Variants in KIAA1217 observed in about 807,000 individuals in gnomAD.
KIAA1217 encodes KIAA1217, also known as sickle tail protein homolog.
Under a neutral mutation model 163.9 loss-of-function variants are expected in KIAA1217, and 88 were observed. That is an observed-to-expected ratio of 0.54 (90% CI 0.45 to 0.64). KIAA1217 has a LOEUF of 0.64. KIAA1217 is among the 30% of genes least tolerant of loss of function. KIAA1217 has a pLI of 0.00. For missense variants in KIAA1217, 2,372 were observed against 2,475.0 expected (o/e 0.96, Z 0.88); for synonymous variants, 903 against 923.1 (o/e 0.98, Z 0.39).
intron 2 of KIAA1217, among the ~76,000 whole-genome samples, chr10:24,200,127 ATCTC>A (rs1564819679): frequency 4.7e-5 from 7 of 149,444 alleles, no homozygotes; most frequent in Non-Finnish European, 1.5e-5. Flanking sequence ...TGCTCTGCTG[ATCTC>A]TCTCTTTCTC....
At chr10:24,126,391 T>C (rs2131794425) in intron 2 of KIAA1217, among the ~76,000 whole-genome samples, 1 of 152,302 alleles carries the variant, frequency 6.6e-6, no homozygotes, top group African/African-American at 2.4e-5. Flanking sequence ...ATATAGTATT[T>C]ATGCCCTTTA....
At chr10:24,058,515 A>C (rs1003329568) in intron 2 of KIAA1217, among the ~76,000 whole-genome samples, 4 of 152,128 alleles carry the variant, frequency 2.6e-5, no homozygotes, top group Non-Finnish European at 5.9e-5. Flanking sequence ...AAGTCTTCCT[A>C]TTTGTTAACA....
intron 1 of KIAA1217, among the ~76,000 whole-genome samples, chr10:23,921,923 A>T (rs1214704435): frequency 6.6e-6 from 1 of 152,094 alleles, no homozygotes; most frequent in African/African-American, 2.4e-5. Context: ...TAGTAGTGAT[A>T]AATGTGTCTT....
intron 2 of KIAA1217, among the ~76,000 whole-genome samples, chr10:24,169,367 C>T (rs2065508539): frequency 6.6e-6 from 1 of 152,072 alleles, no homozygotes; most frequent in African/African-American, 2.4e-5. Flanking sequence ...GGCTTTCTTA[C>T]CCACAATCAC....
chr10:24,366,723 T>G (rs1478673830), intron 2 of KIAA1217, among the ~76,000 whole-genome samples: 3 of 152,120 alleles, frequency 2.0e-5, no homozygotes, highest in Non-Finnish European at 4.4e-5. Flanking sequence ...CCGGGGCCAG[T>G]GACAATCAAG....
At chr10:23,848,796 C>T (rs1474386022) in intron 1 of KIAA1217, among the ~76,000 whole-genome samples, 3 of 152,072 alleles carry the variant, frequency 2.0e-5, no homozygotes, top group African/African-American at 7.2e-5. Context: ...CATGGCTCCA[C>T]AGTGGATTTT....
chr10:24,529,506 A>G (rs79240130), intron 14 of KIAA1217, among the ~76,000 whole-genome samples: 259 of 151,950 alleles, frequency 1.7e-3, no homozygotes, highest in Non-Finnish European at 3.3e-3. Context: ...ATATATATAT[A>G]TTTTTCCATC....
At chr10:24,380,401 G>T (rs908853058) in intron 2 of KIAA1217, among the ~76,000 whole-genome samples, 1 of 152,020 alleles carries the variant, frequency 6.6e-6, no homozygotes, top group Non-Finnish European at 1.5e-5. Flanking sequence ...CGAGGCAGGC[G>T]GATCACCTGA....
At chr10:24,000,486 C>T (rs149753829) in intron 1 of KIAA1217, among the ~76,000 whole-genome samples, 1,670 of 152,300 alleles carry the variant, frequency 0.011, 17 homozygotes, top group South Asian at 0.039. Flanking sequence ...CCTGCGGAAA[C>T]GTGAGTCAAT....
chr10:23,862,377 G>C (rs181800624), intron 1 of KIAA1217, among the ~76,000 whole-genome samples: 2 of 152,118 alleles, frequency 1.3e-5, no homozygotes, highest in Non-Finnish European at 2.9e-5. Context: ...AAATTAGGCA[G>C]AGAGAGAGGG....
intron 1 of KIAA1217, among the ~76,000 whole-genome samples, chr10:23,696,782 C>T (rs989220233): frequency 1.3e-5 from 2 of 152,186 alleles, no homozygotes; most frequent in Non-Finnish European, 2.9e-5. Flanking sequence ...AGACGGTATC[C>T]TCCTTGAAGG....
chr10:24,204,185 G>A (rs1321232191), upstream of KIAA1217, among the ~76,000 whole-genome samples: 1 of 152,180 alleles, frequency 6.6e-6, no homozygotes, highest in African/African-American at 2.4e-5. Flanking sequence ...GAGTGTTGGT[G>A]GGTGGCGAGG....
chr10:24,147,832 CAAAAAAAAAAAAAAAAAAA>C (rs1176106711), intron 2 of KIAA1217, among the ~76,000 whole-genome samples: 262 of 20,796 alleles, frequency 0.013, 13 homozygotes, highest in African/African-American at 0.043. Flanking sequence ...TACTCTGTCT[CAAAAAAAAAAAAAAAAAAA>C]AAAAAAAAAA....
At chr10:23,884,291 A>T (rs1348543938) in intron 1 of KIAA1217, among the ~76,000 whole-genome samples, 1 of 151,814 alleles carries the variant, frequency 6.6e-6, no homozygotes, top group Non-Finnish European at 1.5e-5. Flanking sequence ...CGTGATTTGG[A>T]TTTTGGCCAT....
At chr10:24,372,902 A>G (rs1192604535) in intron 2 of KIAA1217, among the ~76,000 whole-genome samples, 1 of 152,246 alleles carries the variant, frequency 6.6e-6, no homozygotes, top group Non-Finnish European at 1.5e-5. Context: ...ACTCCAGTAC[A>G]AGAACTACCA....
chr10:24,339,486 A>G (rs772994580), intron 2 of KIAA1217, among the ~76,000 whole-genome samples: 4 of 152,236 alleles, frequency 2.6e-5, no homozygotes, highest in Admixed American at 6.5e-5. Flanking sequence ...TCAATATTAC[A>G]TGGACCTATT....
chr10:23,945,898 A>G (rs1228665482), intron 1 of KIAA1217, among the ~76,000 whole-genome samples: 1 of 152,100 alleles, frequency 6.6e-6, no homozygotes, highest in Non-Finnish European at 1.5e-5. Flanking sequence ...TGAGTGCTCT[A>G]TATATATCCT....
At chr10:23,795,541 C>T (rs750688387) in intron 1 of KIAA1217, among the ~76,000 whole-genome samples, 5 of 152,176 alleles carry the variant, frequency 3.3e-5, no homozygotes, top group Non-Finnish European at 7.3e-5. Context: ...AAGTTATAGG[C>T]AAAATCATAA....
At chr10:24,494,877 G>A (rs1411878907) in intron 7 of KIAA1217, 24 of 570,860 alleles carry the variant, frequency 4.2e-5, no homozygotes, top group Non-Finnish European at 6.5e-5. Flanking sequence ...ACCACTCACC[G>A]TGCAGTGCCT....
Sources: allele counts gnomAD v4.1 joint callset (sites outside exome capture counted in the v4.1 genomes callset), GRCh38; gene constraint gnomAD v4.1.1; transcripts MANE v1.5; gene names NCBI Gene and HGNC (gene_info 2026-07-23, HGNC 2026-07-21).